Variants in FLT3 observed in about 807,000 individuals in gnomAD.
The protein encoded by FLT3 is fms related receptor tyrosine kinase 3.
Under a neutral mutation model 126.6 loss-of-function variants are expected in FLT3, and 46 were observed. The observed-to-expected ratio is 0.36, with a 90% CI of 0.29 to 0.46. FLT3 has a LOEUF of 0.46. FLT3 is among the 20% of genes least tolerant of loss of function. The pLI is 1.00. For missense variants in FLT3, 1,069 were observed against 1,190.3 expected, an observed-to-expected ratio of 0.90 and a Z score of 1.50; for synonymous variants, 404 against 434.4, an observed-to-expected ratio of 0.93 and a Z score of 0.87.
At chr13:28,061,811 G>T (rs1279460838) in intron 3 of FLT3, 56 bp downstream of exon 3, 4 of 1,410,998 alleles carry the variant, frequency 2.8e-6, no homozygotes, top group Non-Finnish European at 4.0e-6. Context: ...ACAGAAACTT[G>T]AAACAAAATT....
chr13:28,097,728 T>C (rs1296982728), intron 1 of FLT3, among the ~76,000 whole-genome samples: 1 of 152,142 alleles, frequency 6.6e-6, no homozygotes, highest in Non-Finnish European at 1.5e-5. Flanking sequence ...GAGTGTCCCT[T>C]CCCTCCACTT....
chr13:28,056,338 A>C (rs1396637550), intron 4 of FLT3, among the ~76,000 whole-genome samples: 1 of 152,102 alleles, frequency 6.6e-6, no homozygotes, highest in Non-Finnish European at 1.5e-5. Flanking sequence ...GACCCAGGGC[A>C]CCTCTGTGGG....
Position 28,015,721 on chromosome 13 carries a change from G to T in FLT3, c.2542-20C>A, listed in dbSNP as rs79999978. ...ACGGGCCTGTGGAAAACCCAGAGGA[G>T]ATAAGATGGTGAATTTTCCACATAC... On this transcript the variant is annotated intron_variant, in intron 20 of 23. Transcript: ENST00000241453. 7.7e-4 allele frequency: 1,130 copies of T among 1,463,856 alleles called. 2 individuals are homozygous for T. Among genetic ancestry groups the T allele is most frequent in the Admixed American group, 2.2e-3 (127 of 56,746 alleles). The allele number at this position is 1,463,856 out of a possible 1,614,324, so 90.7% of individuals were successfully genotyped here. A position where few individuals can be genotyped will look rare whatever the true frequency, so the allele number is the denominator to read the frequency against.
intron 3 of FLT3, among the ~76,000 whole-genome samples, chr13:28,058,437 G>A (rs1005629253): frequency 1.6e-4 from 24 of 151,870 alleles, no homozygotes; most frequent in Admixed American, 4.6e-4. Flanking sequence ...GCTTGAACCC[G>A]GGAGGCGGAG....
At chr13:28,063,696 C>G (rs56090729) in intron 2 of FLT3, among the ~76,000 whole-genome samples, 6 of 151,876 alleles carry the variant, frequency 4.0e-5, no homozygotes, top group East Asian at 1.9e-4. Context: ...TGTTCACTTA[C>G]TATGATAAGT....
At chr13:28,041,898 A>G (rs1184975271) in intron 9 of FLT3, among the ~76,000 whole-genome samples, 1 of 152,196 alleles carries the variant, frequency 6.6e-6, no homozygotes, top group Non-Finnish European at 1.5e-5. Context: ...CACGCCTGCA[A>G]TCCCAACACT....
In FLT3 at chr13:28,003,921, T is replaced by C; in HGVS notation, c.*131A>G. ...AACAAGAGTAAACGCAGACAGCTTC[T>C]AGAGAAAAGTCTGGTGAAGCAGCAG... On this transcript the variant is annotated 3_prime_UTR_variant, in exon 24 of 24. Transcript: ENST00000241453. 9.6e-7 allele frequency: 1 copy of C among 1,041,640 alleles called. No homozygotes were observed. The highest frequency in any genetic ancestry group is 1.4e-6 in the Non-Finnish European group (1 of 702,508). 64.5% of individuals were successfully genotyped at this position (1,041,640 alleles called of 1,614,324 possible).
In FLT3 at chr13:28,073,481, T is replaced by C. The variant is rs186756125; in HGVS notation, c.44-2869A>G. 504 of 305,450 alleles carry C rather than the reference T, an allele frequency of 1.7e-3. 1 individual carries two copies. The highest frequency in any genetic ancestry group is 2.2e-3 in the Non-Finnish European group (334 of 153,902). The allele number at this position is 305,450 out of a possible 1,614,324, so 18.9% of individuals were successfully genotyped here. A position where few individuals can be genotyped will look rare whatever the true frequency, so the allele number is the denominator to read the frequency against. Reference sequence around the variant, plus strand: ...AGACAGTCTCAGAAAGTAAGAACTTTTCCTGCTCCACTCTGTAATGTTTTC... The same window carrying C: ...AGACAGTCTCAGAAAGTAAGAACTTCTCCTGCTCCACTCTGTAATGTTTTC... On this transcript the variant is annotated intron_variant, in intron 1 of 23. Transcript: ENST00000241453.
chr13:28,044,672 C>A (rs1305745863), intron 9 of FLT3, among the ~76,000 whole-genome samples: 1 of 152,160 alleles, frequency 6.6e-6, no homozygotes, highest in East Asian at 1.9e-4. Flanking sequence ...TGTGTGTCGT[C>A]AGTGGCCCAT....
intron 22 of FLT3, among the ~76,000 whole-genome samples, 193 bp downstream of exon 22, chr13:28,014,964 G>A (rs1871709691): frequency 6.6e-6 from 1 of 152,188 alleles, no homozygotes; most frequent in African/African-American, 2.4e-5. Flanking sequence ...GAGAGGCTGA[G>A]CCAGGAAGAT....
Position 28,100,249 on chromosome 13 carries a change from G to A in FLT3, c.43+219C>T, listed in dbSNP as rs1007148381. On this transcript the variant is annotated intron_variant, in intron 1 of 23. Transcript: ENST00000241453. The surrounding 1 kb of genome is among the most constrained non-coding windows in gnomAD (Gnocchi z 4.8). Reference sequence around the variant, plus strand: ...GAGCCAGAGGAGAGACTTCGGAGAAGAGGGAAGAGGACGCGGGGTGGGAAA... The same window carrying A: ...GAGCCAGAGGAGAGACTTCGGAGAAAAGGGAAGAGGACGCGGGGTGGGAAA... Among the ~76,000 whole-genome samples, 1 of 152,140 alleles carries A rather than the reference G, an allele frequency of 6.6e-6. No individual in the cohort carries two copies. Among genetic ancestry groups the A allele is most frequent in the East Asian group, 1.9e-4 (1 of 5,172 alleles).
intron 15 of FLT3, among the ~76,000 whole-genome samples, chr13:28,030,804 A>C (rs898581831): frequency 1.3e-4 from 20 of 152,196 alleles, no homozygotes; most frequent in Non-Finnish European, 4.4e-5. Flanking sequence ...GTTACTGGAA[A>C]GGCTGCAGAC....
chr13:28,028,288 T>C lies in FLT3; in HGVS notation c.1943A>G (p.Glu648Gly), dbSNP rs928338592. 5.3e-6 allele frequency: 8 copies of C among 1,523,098 alleles called. No individual in the cohort carries two copies. The highest frequency in any genetic ancestry group is 1.4e-5 in the African/African-American group (1 of 73,174). The allele number at this position is 1,523,098 out of a possible 1,614,324, so 94.3% of individuals were successfully genotyped here. Residue 648 changes from glutamate to glycine, a missense_variant and splice_region_variant, in exon 16 of 24, where the codon GAA (glutamate) becomes GGA (glycine). Physicochemically the swap from Glu to Gly is moderately conservative, Grantham distance 98. Coordinates refer to ENST00000241453, the MANE Select transcript of FLT3 (RefSeq NM_004119.3). ...SIQVAVKMLK[E>G]KADSSEREAL... ...CTCTCTTTCAGAGCTGTCTGCTTTT[T>C]CTGTCAAAGAAAGGAGCATTAAAAA...
chr13:28,060,554 A>G (rs1022092490), intron 3 of FLT3, among the ~76,000 whole-genome samples: 2 of 150,246 alleles, frequency 1.3e-5, no homozygotes, highest in East Asian at 1.9e-4. Context: ...ACTGCTTTCT[A>G]TATACTTATA....
chr13:28,006,592 T>C (rs533170281), intron 23 of FLT3, among the ~76,000 whole-genome samples: 1 of 152,292 alleles, frequency 6.6e-6, no homozygotes, highest in South Asian at 2.1e-4. Flanking sequence ...TTAACTAACA[T>C]GTGCTCTTCA....
intron 1 of FLT3, among the ~76,000 whole-genome samples, chr13:28,097,415 A>T (rs769670771): frequency 4.6e-5 from 7 of 152,086 alleles, no homozygotes; most frequent in Non-Finnish European, 8.8e-5. Flanking sequence ...TCATTGCCTG[A>T]TTGTTTTTCA....
chr13:28,088,242 T>C (rs4771219), intron 1 of FLT3, among the ~76,000 whole-genome samples: 133,967 of 152,184 alleles, frequency 0.88, 61,479 homozygotes, highest in Non-Finnish European at 1. Flanking sequence ...AATTTTCTTT[T>C]ACTAGTGGAC....
intron 19 of FLT3, 137 bp downstream of exon 19, chr13:28,023,213 G>T (rs1042498452): frequency 2.4e-6 from 2 of 849,862 alleles, no homozygotes; most frequent in Non-Finnish European, 3.6e-6. Context: ...AAGGTAACAC[G>T]CTAGGTGACT....
At chr13:28,008,388 T>C (rs1028984275) in intron 23 of FLT3, among the ~76,000 whole-genome samples, 3 of 152,098 alleles carry the variant, frequency 2.0e-5, no homozygotes, top group South Asian at 2.1e-4. Context: ...TCACAGGTTT[T>C]AATAGGCAAT....
Sources: allele counts gnomAD v4.1 joint callset (sites outside exome capture counted in the v4.1 genomes callset), GRCh38; gene constraint gnomAD v4.1.1; non-coding constraint Gnocchi (gnomAD v3.1); transcripts MANE v1.5; gene names NCBI Gene and HGNC (gene_info 2026-07-23, HGNC 2026-07-21).